The following ARHGAP24 variants were observed in gnomAD, a reference collection of about 807,000 sequenced individuals.
ARHGAP24 encodes Rho GTPase activating protein 24, also known as rho GTPase-activating protein 24.
A neutral mutation model predicts 76.4 loss-of-function variants in ARHGAP24; 50 were observed. The ratio of observed to expected loss-of-function variants is 0.65; its 90% CI spans 0.52 to 0.83. ARHGAP24 has a LOEUF of 0.83. Ranked by LOEUF, ARHGAP24 falls within the 40% of genes least tolerant of loss-of-function variation. The probability of loss-of-function intolerance (pLI) is 0.00; values close to 1 mark genes in which losing one functional copy is unlikely to be tolerated. For missense variants in ARHGAP24, 930 were observed against 914.2 expected (o/e 1.02, Z -0.22); for synonymous variants, 345 against 323.3 (o/e 1.07, Z -0.72).
At chr4:85,679,651 TG>T (rs1033862035) in intron 2 of ARHGAP24, among the ~76,000 whole-genome samples, 1 of 152,150 alleles carries the variant, frequency 6.6e-6, no homozygotes, top group Non-Finnish European at 1.5e-5. Context: ...CATGAAGATT[TG>T]ACTGCCCTTC....
chr4:85,982,274 TCTTTTGTGGATAAGAAAC>T (rs1179900325), intron 8 of ARHGAP24, among the ~76,000 whole-genome samples: 11 of 152,016 alleles, frequency 7.2e-5, no homozygotes, highest in Non-Finnish European at 1.6e-4. Flanking sequence ...TCCCCCTGCC[TCTTTTGTGGATAAGAAAC>T]CTGATACCCA....
intron 3 of ARHGAP24, among the ~76,000 whole-genome samples, chr4:85,832,396 C>A (rs1453698530): frequency 2.6e-5 from 4 of 152,166 alleles, no homozygotes; most frequent in Non-Finnish European, 5.9e-5. Context: ...CCAGGTGGGT[C>A]TTTTACTATT....
intron 3 of ARHGAP24, among the ~76,000 whole-genome samples, chr4:85,840,017 C>CTTTTTTTT (rs70948759): frequency 1.7e-5 from 2 of 116,050 alleles, no homozygotes; most frequent in African/African-American, 3.2e-5. Flanking sequence ...GCCTGGCTAA[C>CTTTTTTTT]TTTTTTTTTT....
intron 3 of ARHGAP24, among the ~76,000 whole-genome samples, chr4:85,804,108 C>A (rs969941693): frequency 6.6e-6 from 1 of 151,968 alleles, no homozygotes; most frequent in Non-Finnish European, 1.5e-5. Context: ...TGTGGCTAAC[C>A]TTTTGTATTG....
At chr4:85,488,389 T>C (rs1330079732) in intron 1 of ARHGAP24, among the ~76,000 whole-genome samples, 1 of 152,210 alleles carries the variant, frequency 6.6e-6, no homozygotes, top group Non-Finnish European at 1.5e-5. Flanking sequence ...TAATCTTTCA[T>C]GTTTACTATC....
chr4:85,611,093 T>C lies in ARHGAP24; in HGVS notation c.180+40372T>C, dbSNP rs1427606634. Among the ~76,000 whole-genome samples the C allele has an allele frequency of 2.0e-5, 3 of 152,330 alleles. No individual in the cohort carries two copies. The East Asian group carries it at 5.8e-4, about 29-fold the overall frequency. On this transcript the variant is annotated intron_variant, in intron 2 of 9. Transcript: ENST00000395184. ...AAAAAATAAGTTTTATTAGGATTTTTATCTTAAAAACATAGAGTTATACAC... is the reference window on the plus strand; with the variant it reads ...AAAAAATAAGTTTTATTAGGATTTTCATCTTAAAAACATAGAGTTATACAC...
At chr4:85,882,403 C>G (rs1012153569) in intron 3 of ARHGAP24, among the ~76,000 whole-genome samples, 2 of 152,026 alleles carry the variant, frequency 1.3e-5, no homozygotes, top group African/African-American at 4.8e-5. Context: ...TTCTATGACT[C>G]TAGAATGGAA....
chr4:85,818,871 C>T (rs77147853), intron 3 of ARHGAP24, among the ~76,000 whole-genome samples: 7,310 of 152,242 alleles, frequency 0.048, 200 homozygotes, highest in Middle Eastern at 0.068. Context: ...ATTGCATCTG[C>T]TATTGCCTGT....
At chr4:85,791,311 CA>C (rs1335254283) in intron 3 of ARHGAP24, among the ~76,000 whole-genome samples, 1 of 152,070 alleles carries the variant, frequency 6.6e-6, no homozygotes, top group Non-Finnish European at 1.5e-5. Flanking sequence ...ATAACATATT[CA>C]GATTGAGCAA....
chr4:85,552,433 G>T (rs536084800), intron 1 of ARHGAP24, among the ~76,000 whole-genome samples: 1 of 152,180 alleles, frequency 6.6e-6, no homozygotes, highest in South Asian at 2.1e-4. Flanking sequence ...ATTGTTTTAT[G>T]TCCAATTGTG....
At chr4:85,988,701 A>G (rs1291547717) in intron 8 of ARHGAP24, among the ~76,000 whole-genome samples, 1 of 151,608 alleles carries the variant, frequency 6.6e-6, no homozygotes, top group Non-Finnish European at 1.5e-5. Flanking sequence ...ACAGAATTAA[A>G]CTCAACCATA....
intron 3 of ARHGAP24, among the ~76,000 whole-genome samples, chr4:85,816,528 C>T (rs892312242): frequency 6.6e-6 from 1 of 152,104 alleles, no homozygotes; most frequent in Non-Finnish European, 1.5e-5. Context: ...AAGAAAGTTT[C>T]CTCAAGAAAG....
rs547078183 is a variant in ARHGAP24 at position 85,561,421 on chromosome 4, G to A, written c.-20-9101G>A. ...GACCTAGAGGATTGATTCCCTTGTC[G>A]GCACCACATTTTGATTTATTCTTCA... On this transcript the variant is annotated intron_variant, in intron 1 of 9. Transcript: ENST00000395184. Among the ~76,000 whole-genome samples the A allele has an allele frequency of 1.3e-3, 195 of 152,242 alleles. 2 individuals carry two copies. The highest frequency in any genetic ancestry group is 3.1e-3 in the African/African-American group (129 of 41,544).
chr4:85,567,794 C>A (rs1726906163), intron 1 of ARHGAP24, among the ~76,000 whole-genome samples: 1 of 152,114 alleles, frequency 6.6e-6, no homozygotes, highest in African/African-American at 2.4e-5. Context: ...TTTATTTCTC[C>A]AGAAATATTA....
At chr4:85,663,913 C>T (rs1722505785) in intron 2 of ARHGAP24, among the ~76,000 whole-genome samples, 1 of 151,250 alleles carries the variant, frequency 6.6e-6, no homozygotes, top group African/African-American at 2.4e-5. Flanking sequence ...CTGCTGGATT[C>T]AGTTTGCCAG....
At chr4:85,551,201 T>C (rs747927100) in intron 1 of ARHGAP24, among the ~76,000 whole-genome samples, 6 of 152,128 alleles carry the variant, frequency 3.9e-5, no homozygotes, top group Non-Finnish European at 8.8e-5. Flanking sequence ...AAAGTATGTT[T>C]GTTCAATGCC....
rs544969124 is a variant in ARHGAP24, at chr4:85,863,144, G to A, written c.269-60504G>A. On this transcript the variant is annotated intron_variant, in intron 3 of 9. Transcript: ENST00000395184. The stretch of plus-strand genomic sequence containing the variant: ...TCATTCTAGCCACATTGGCCTTCTG[G>A]TGATTCCTACACTACAACACAACAA... Among the ~76,000 whole-genome samples, 19 of 152,114 alleles carry A rather than the reference G, an allele frequency of 1.2e-4. No homozygotes were observed. The South Asian group carries it at 3.1e-3, about 25-fold the overall frequency.
chr4:85,675,599 T>G (rs1423722742), intron 2 of ARHGAP24, among the ~76,000 whole-genome samples: 1 of 152,174 alleles, frequency 6.6e-6, no homozygotes, highest in Non-Finnish European at 1.5e-5. Flanking sequence ...GAGATCCGCC[T>G]TCCCAAGATG....
intron 3 of ARHGAP24, among the ~76,000 whole-genome samples, chr4:85,801,501 C>T (rs1016974291): frequency 6.6e-6 from 1 of 152,104 alleles, no homozygotes; most frequent in African/African-American, 2.4e-5. Flanking sequence ...AATTTTCTTT[C>T]CAAGTAAAAA....
Sources: allele counts gnomAD v4.1 joint callset (sites outside exome capture counted in the v4.1 genomes callset), GRCh38; gene constraint gnomAD v4.1.1; transcripts MANE v1.5; gene names NCBI Gene and HGNC (gene_info 2026-07-23, HGNC 2026-07-21).